AP3S2: variants seen among roughly 807,000 people sequenced by gnomAD.
The protein encoded by AP3S2 is adaptor related protein complex 3 subunit sigma 2.
Under a neutral mutation model 23.4 loss-of-function variants are expected in AP3S2, and 22 were observed. The observed-to-expected ratio is 0.94, with a 90% CI of 0.67 to 1.34. The LOEUF is 1.34. AP3S2 is among the 40% of genes most tolerant of loss of function. The probability of loss-of-function intolerance (pLI) is 0.00; values close to 1 mark genes in which losing one functional copy is unlikely to be tolerated. For missense variants in AP3S2, 241 were observed against 236.9 expected (o/e 1.02, Z -0.11); for synonymous variants, 86 against 87.1 (o/e 0.99, Z 0.07).
chr15:89,892,375 A>G (rs1417387371), intron 1 of AP3S2, among the ~76,000 whole-genome samples: 1 of 152,174 alleles, frequency 6.6e-6, no homozygotes, highest in Non-Finnish European at 1.5e-5. Context: ...TGTCCCCTTT[A>G]AATAAGTAAA....
chr15:89,888,864 T>C (rs997532307), intron 2 of AP3S2, among the ~76,000 whole-genome samples, 185 bp downstream of exon 2: 1 of 152,158 alleles, frequency 6.6e-6, no homozygotes, highest in African/African-American at 2.4e-5. Context: ...AAATGAGCAA[T>C]ATCAGAAGCA....
rs145799988 is a variant in AP3S2, at chr15:89,870,674, T to C, written c.345+801A>G. Among the ~76,000 whole-genome samples the C allele has an allele frequency of 1.6e-3, 242 of 152,280 alleles. 1 individual carries two copies. The highest frequency in any genetic ancestry group is 3.4e-4 in the Non-Finnish European group (23 of 68,028). On this transcript the variant is annotated intron_variant, in intron 4 of 5. Transcript: ENST00000336418. ...TACTTCATCATGATGAAAAGGTTAATAAAGGATCATGGCTTAGCAATGAGC... is the reference window on the plus strand; with the variant it reads ...TACTTCATCATGATGAAAAGGTTAACAAAGGATCATGGCTTAGCAATGAGC...
Position 89,837,652 on chromosome 15 carries a change from G to A in AP3S2, c.416C>T (p.Ala139Val). The part of the protein sequence containing the change: ...VLETNMNEIV[A>V]QIEAQNRLEK... ...CAGCCTGTTTTGAGCCTCAATCTGA[G>A]CCACGATTTCATTCATGTTTGTTTC... The change falls in exon 5 of 6, where the codon GCT becomes GTT. Residue 139 changes from alanine to valine, a missense_variant. Ala to Val is a moderately conservative substitution (Grantham distance 64). Coordinates refer to ENST00000336418, the MANE Select transcript of AP3S2 (RefSeq NM_005829.5). 6.2e-7 allele frequency: 1 copy of A among 1,614,148 alleles called. No homozygotes were observed. Among genetic ancestry groups the A allele is most frequent in the Non-Finnish European group, 8.5e-7 (1 of 1,180,034 alleles).
At chr15:89,882,491 G>A (rs968771304) in intron 3 of AP3S2, among the ~76,000 whole-genome samples, 2 of 151,776 alleles carry the variant, frequency 1.3e-5, no homozygotes, top group African/African-American at 2.4e-5. Flanking sequence ...GAGTAGCTAC[G>A]ATTACAGGCA....
At chr15:89,877,736 G>A (rs1011379525) in intron 3 of AP3S2, among the ~76,000 whole-genome samples, 1 of 151,850 alleles carries the variant, frequency 6.6e-6, no homozygotes, top group African/African-American at 2.4e-5. Flanking sequence ...TGGAGGTCAC[G>A]GTGAACCAAG....
rs137927238 is a variant in AP3S2 at position 89,856,184 on chromosome 15, G to A, written c.345+15291C>T. Among the ~76,000 whole-genome samples the A allele has an allele frequency of 3.2e-3, 490 of 152,282 alleles. 1 individual carries two copies. The highest frequency in any genetic ancestry group is 3.9e-3 in the Non-Finnish European group (267 of 68,018). ...TATCTCCCAAGGGAGCAAAGGCAAA[G>A]TGAAAAGTGAGCCCACCCCGAAACT... On this transcript the variant is annotated intron_variant, in intron 4 of 5. Coordinates refer to ENST00000336418, the MANE Select transcript of AP3S2 (RefSeq NM_005829.5).
At chr15:89,891,227 T>A (rs867293915) in intron 1 of AP3S2, among the ~76,000 whole-genome samples, 1 of 152,212 alleles carries the variant, frequency 6.6e-6, no homozygotes, top group South Asian at 2.1e-4. Context: ...ATCTTTTTAG[T>A]ACTCTGTAGT....
At chr15:89,888,796 C>G (rs896742491) in intron 2 of AP3S2, 164 bp from the exon 3 acceptor site, 63 of 837,680 alleles carry the variant, frequency 7.5e-5, no homozygotes, top group Non-Finnish European at 1.1e-4. Context: ...GGCAGAGGTA[C>G]CTAAAGCCAC....
rs899111092 is a variant in AP3S2 at position 89,875,813 on chromosome 15, G to C, written c.274-4267C>G. 2.0e-5 allele frequency among the ~76,000 whole-genome samples: 3 copies of C among 152,284 alleles called. No homozygotes were observed. The East Asian group carries it at 5.8e-4, about 29-fold the overall frequency. ...AAAACACAAAAGTTAGCCAGGCGTG[G>C]TGGTGTGTGCCTGTGATTCCAGCTA... On this transcript the variant is annotated intron_variant, in intron 3 of 5. Coordinates refer to ENST00000336418, the MANE Select transcript of AP3S2 (RefSeq NM_005829.5).
intron 4 of AP3S2, among the ~76,000 whole-genome samples, chr15:89,847,660 C>G (rs559260001): frequency 6.6e-6 from 1 of 152,238 alleles, no homozygotes; most frequent in South Asian, 2.1e-4. Context: ...CACTTAAAAA[C>G]AGACTGATCT....
At chr15:89,883,296 A>G (rs1386677863) in intron 3 of AP3S2, among the ~76,000 whole-genome samples, 1 of 152,158 alleles carries the variant, frequency 6.6e-6, no homozygotes, top group Non-Finnish European at 1.5e-5. Context: ...CCTTACATTG[A>G]TAACTTACCT....
intron 4 of AP3S2, among the ~76,000 whole-genome samples, chr15:89,856,274 G>A (rs966118568): frequency 6.6e-6 from 1 of 152,178 alleles, no homozygotes; most frequent in African/African-American, 2.4e-5. Context: ...TTTAAAAAAT[G>A]GGCCTTGGCT....
intron 4 of AP3S2, among the ~76,000 whole-genome samples, chr15:89,864,532 C>CTGCTTCTATTCAAT (rs1491396855): frequency 7.9e-5 from 12 of 152,148 alleles, no homozygotes; most frequent in Non-Finnish European, 1.5e-4. Context: ...TGCCCACTGT[C>CTGCTTCTATTCAAT]ACTACTTCTA....
At chr15:89,858,498 AGAG>A (rs1567178713) in intron 4 of AP3S2, among the ~76,000 whole-genome samples, 21 of 55,994 alleles carry the variant, frequency 3.8e-4, no homozygotes, top group Non-Finnish European at 4.0e-4. Flanking sequence ...AAAGAAAGAG[AGAG>A]AGAGAGAGAG....
At chr15:89,846,115 T>C (rs1329751927) in intron 4 of AP3S2, among the ~76,000 whole-genome samples, 2 of 152,196 alleles carry the variant, frequency 1.3e-5, no homozygotes, top group African/African-American at 2.4e-5. Flanking sequence ...TCTTAAAAGG[T>C]AAAATGAGGC....
At chr15:89,880,640 C>G (rs1169273631) in intron 3 of AP3S2, among the ~76,000 whole-genome samples, 1 of 149,382 alleles carries the variant, frequency 6.7e-6, no homozygotes, top group Non-Finnish European at 1.5e-5. Context: ...CGCCACCGCA[C>G]TCCAGCCTGG....
chr15:89,887,733 T>G lies in AP3S2; in HGVS notation c.273+788A>C, dbSNP rs1896733193. Among the ~76,000 whole-genome samples the G allele has an allele frequency of 2.0e-5, 3 of 151,736 alleles. No homozygotes were observed. In the South Asian group the frequency reaches 6.3e-4, roughly 32 times the overall value. ...TTGCCCAGGCTGGAGTGCAGTGGCA[T>G]GATCTCGGCTCACTGCAACCTCCAC... On this transcript the variant is annotated intron_variant, in intron 3 of 5. Coordinates refer to ENST00000336418, the MANE Select transcript of AP3S2 (RefSeq NM_005829.5).
chr15:89,881,629 T>G (rs372015446), intron 3 of AP3S2, among the ~76,000 whole-genome samples: 34 of 152,090 alleles, frequency 2.2e-4, no homozygotes, highest in African/African-American at 7.5e-4. Context: ...GTGGTTCAAT[T>G]ATATTATAGA....
Position 89,889,110 on chromosome 15 carries a change from C to G in AP3S2, c.100G>C (p.Glu34Gln). 2 of 1,614,180 alleles carry G rather than the reference C, an allele frequency of 1.2e-6. No homozygotes were observed. The highest frequency in any genetic ancestry group is 1.7e-6 in the Non-Finnish European group (2 of 1,180,038). The part of the protein sequence containing the change: ...PEEIQQQIVR[E>Q]TFHLVLKRDD... ...CGCTTGAGGACTAGATGGAAAGTCT[C>G]TCGAACAATCTGCTGTTGAATTTCT... Residue 34 changes from glutamate to glutamine, a missense_variant, in exon 2 of 6, where the codon GAG (glutamate) becomes CAG (glutamine). Transcript: ENST00000336418.
Sources: gnomAD v4.1 joint callset for allele counts (sites outside exome capture counted in the v4.1 genomes callset) on GRCh38, gnomAD v4.1.1 for gene constraint, MANE v1.5 for transcripts, NCBI Gene and HGNC (gene_info 2026-07-23, HGNC 2026-07-21) for gene names.